RPE: variants seen among roughly 807,000 people sequenced by gnomAD.
RPE encodes the protein ribulose-phosphate 3-epimerase.
A neutral mutation model predicts 24.6 loss-of-function variants in RPE; 16 were observed. That is an observed-to-expected ratio of 0.65 (90% confidence interval 0.44 to 0.99). The LOEUF (loss-of-function observed/expected upper bound fraction) is 0.99. Ranked by LOEUF, RPE falls within the 50% of genes least tolerant of loss-of-function variation. The pLI, the probability that RPE is intolerant of heterozygous loss-of-function variation, is 0.00. For missense variants in RPE, 240 were observed against 294.5 expected, an observed-to-expected ratio of 0.81 and a Z score of 1.35; for synonymous variants, 93 against 98.4, an observed-to-expected ratio of 0.94 and a Z score of 0.33.
intron 4 of RPE, among the ~76,000 whole-genome samples, 185 bp downstream of exon 4, chr2:210,016,826 G>A (rs2093778803): frequency 6.6e-6 from 1 of 152,168 alleles, no homozygotes; most frequent in African/African-American, 2.4e-5. Context: ...AATCAGAGAA[G>A]TATTACATCT....
intron 1 of RPE, among the ~76,000 whole-genome samples, chr2:210,005,707 A>G (rs1450826816): frequency 1.3e-5 from 2 of 151,492 alleles, no homozygotes; most frequent in Non-Finnish European, 2.9e-5. Flanking sequence ...TGGAGCTGAC[A>G]GGGGCAGCCT....
chr2:210,018,090 T>A, intron 5 of RPE: 1 of 1,442,486 alleles, frequency 6.9e-7, no homozygotes, highest in Non-Finnish European at 9.3e-7. Context: ...AAATTGTAAA[T>A]CCTGGTTTTC....
chr2:210,016,214 TC>T, intron 3 of RPE, 102 bp downstream of exon 3: 1 of 1,614,072 alleles, frequency 6.2e-7, no homozygotes, highest in Non-Finnish European at 8.5e-7. Flanking sequence ...TCTTGCTCTG[TC>T]ACCCAGGCTG....
At chr2:210,008,759 G>A (rs547313900) in intron 1 of RPE, among the ~76,000 whole-genome samples, 35 of 152,046 alleles carry the variant, frequency 2.3e-4, no homozygotes, top group Non-Finnish European at 4.3e-4. Context: ...ACAGTGGCAC[G>A]ATCTTGGCTC....
chr2:210,016,960 C>T (rs766067780), intron 4 of RPE, among the ~76,000 whole-genome samples: 1 of 152,146 alleles, frequency 6.6e-6, no homozygotes, highest in African/African-American at 2.4e-5. Context: ...CCTCCTGCCT[C>T]GGCCCCCTGA....
intron 1 of RPE, among the ~76,000 whole-genome samples, chr2:210,007,352 T>A (rs1428402782): frequency 6.6e-6 from 1 of 152,218 alleles, no homozygotes; most frequent in East Asian, 1.9e-4. Flanking sequence ...TTTGCCTGTC[T>A]TGTCATTCTT....
Position 210,022,056 on chromosome 2 carries a change from A to G in RPE, c.*2265A>G, listed in dbSNP as rs2093866709. 6.9e-6 allele frequency: 1 copy of G among 144,856 alleles called. No homozygotes were observed. Among genetic ancestry groups the G allele is most frequent in the African/African-American group, 2.6e-5 (1 of 38,252 alleles). 9.0% of individuals were successfully genotyped at this position (144,856 alleles called of 1,614,324 possible). ...GATAGGGCTTTACTGTTTGTGGCTC[A>G]TTTTAAAACTGGTGTCTTCTCTTCA... On this transcript the variant is annotated 3_prime_UTR_variant, in exon 6 of 6. Transcript: ENST00000359429.
intron 3 of RPE, 56 bp downstream of exon 3, chr2:210,016,168 G>A (rs762245087): frequency 3.5e-5 from 56 of 1,613,994 alleles, no homozygotes; most frequent in Admixed American, 5.0e-5. Context: ...GGGAAGATTT[G>A]CGGGAAACAG....
Position 210,021,888 on chromosome 2 carries a change from CA to C in RPE, c.*2099del, listed in dbSNP as rs2093862081. On this transcript the variant is annotated 3_prime_UTR_variant, in exon 6 of 6. Transcript: ENST00000359429. ...TTTAATTTCCAATCTAGGATGCAAG[CA>C]AGAATATATGTTTATTTGAATAGAG... 6.7e-6 allele frequency: 1 copy of C among 149,766 alleles called. No homozygotes were observed. The highest frequency in any genetic ancestry group is 2.5e-5 in the African/African-American group (1 of 40,614). 9.3% of individuals were successfully genotyped at this position (149,766 alleles called of 1,614,324 possible). A position where few individuals can be genotyped will look rare whatever the true frequency, so the allele number is the denominator to read the frequency against.
chr2:210,015,380 A>T lies in RPE; in HGVS notation c.203-593A>T, dbSNP rs571066026. Among the ~76,000 whole-genome samples, 3 of 152,262 alleles carry T rather than the reference A, an allele frequency of 2.0e-5. No individual in the cohort carries two copies. In the South Asian group the frequency reaches 6.2e-4, roughly 32 times the overall value. ...GAATGCTGAAGGGTTTCTCCTCACC[A>T]CATGCTTCCCTGACCTCTGACTGGT... On this transcript the variant is annotated intron_variant, in intron 2 of 5. Coordinates refer to ENST00000359429, the MANE Select transcript of RPE (RefSeq NM_199229.3).
chr2:210,019,221 AGTTT>A (rs1256792079), intron 5 of RPE, among the ~76,000 whole-genome samples: 1 of 152,228 alleles, frequency 6.6e-6, no homozygotes, highest in Non-Finnish European at 1.5e-5. Context: ...ATTTTGCCGT[AGTTT>A]ATGGATAATT....
At chr2:210,007,814 A>G (rs2093650008) in intron 1 of RPE, among the ~76,000 whole-genome samples, 1 of 152,214 alleles carries the variant, frequency 6.6e-6, no homozygotes, top group Non-Finnish European at 1.5e-5. Context: ...TGCTGCTTTA[A>G]CAAAGCCCAG....
In RPE at chr2:210,017,679, G is replaced by A. The variant is rs571626807; in HGVS notation, c.564+120G>A. On this transcript the variant is annotated intron_variant, in intron 5 of 5. Transcript: ENST00000359429. ...TAAGTTGACTTTCTTTCTTGGAAAA[G>A]TATTTTTTGTTCACATGTACAACTA... is the stretch of plus-strand genomic sequence containing the variant. 7.5e-6 allele frequency: 5 copies of A among 669,954 alleles called. No homozygotes were observed. The Admixed American group carries it at 1.2e-4, about 16-fold the overall frequency. The allele number at this position is 669,954 out of a possible 1,614,324, so 41.5% of individuals were successfully genotyped here. A position where few individuals can be genotyped will look rare whatever the true frequency, so the allele number is the denominator to read the frequency against.
At chr2:210,018,480 A>G in intron 5 of RPE, 1 of 985,162 alleles carries the variant, frequency 1.0e-6, no homozygotes, top group Non-Finnish European at 1.2e-6. Flanking sequence ...CAAGTGATTA[A>G]AGCTTACATG....
At chr2:210,003,505 ATAT>A (rs2093591172) in intron 1 of RPE, 6 of 1,242,500 alleles carry the variant, frequency 4.8e-6, no homozygotes, top group Non-Finnish European at 6.3e-6. Flanking sequence ...ACAGCACATA[ATAT>A]TGTTTGGAGT....
intron 1 of RPE, among the ~76,000 whole-genome samples, chr2:210,003,953 A>C (rs1559473069): frequency 6.6e-6 from 1 of 152,254 alleles, no homozygotes; most frequent in Non-Finnish European, 1.5e-5. Flanking sequence ...AGTACTAAAA[A>C]TAATAGGCCA....
At chr2:210,004,082 G>A (rs1195955234) in intron 1 of RPE, among the ~76,000 whole-genome samples, 1 of 152,102 alleles carries the variant, frequency 6.6e-6, no homozygotes, top group African/African-American at 2.4e-5. Context: ...GCCCTAAACT[G>A]TCACAGGTAA....
At chr2:210,009,571 C>A in intron 1 of RPE, 86 bp from the exon 2 acceptor site, 1 of 1,526,232 alleles carries the variant, frequency 6.6e-7, no homozygotes, top group Non-Finnish European at 9.1e-7. Flanking sequence ...CAGACAATCC[C>A]CTCAACCTGT....
intron 2 of RPE, among the ~76,000 whole-genome samples, chr2:210,012,915 A>G (rs1454781453): frequency 6.6e-6 from 1 of 152,246 alleles, no homozygotes; most frequent in Non-Finnish European, 1.5e-5. Context: ...TGTGTAACTC[A>G]GTAAATCAGT....
Sources: gnomAD v4.1 joint callset for allele counts (sites outside exome capture counted in the v4.1 genomes callset) on GRCh38, gnomAD v4.1.1 for gene constraint, MANE v1.5 for transcripts, NCBI Gene and HGNC (gene_info 2026-07-23, HGNC 2026-07-21) for gene names.